NR6A1: variants seen among roughly 807,000 people sequenced by gnomAD.
The protein encoded by NR6A1 is retinoic acid receptor-related testis-associated receptor.
NR6A1 carries 7 observed loss-of-function variants against 59.1 expected under a neutral mutation model. The observed-to-expected ratio is 0.12, with a 90% CI of 0.07 to 0.22. NR6A1 has a LOEUF of 0.22. NR6A1 is among the 10% of genes least tolerant of loss of function. The pLI is 1.00. For synonymous variants in NR6A1, 243 were observed against 236.1 expected (o/e 1.03, Z -0.27); for missense variants, 468 against 611.6 (o/e 0.77, Z 2.48).
rs756369566 is a variant in NR6A1, at chr9:124,524,864, C to T, written c.1211G>A (p.Gly404Asp). 6.2e-7 allele frequency: 1 copy of T among 1,600,256 alleles called. No homozygotes were observed. Among genetic ancestry groups the T allele is most frequent in the Non-Finnish European group, 8.5e-7 (1 of 1,176,432 alleles). ...TTCCAGCTGTGAGGCACTGGTCAGACCCCTGATATCTGTGGAAAAAAAAAA... is the reference window on the plus strand; with the variant it reads ...TTCCAGCTGTGAGGCACTGGTCAGATCCCTGATATCTGTGGAAAAAAAAAA... ...AINFLNQDIR[G>D]LTSASQLEQL... The change falls in exon 9 of 10, where the codon GGT becomes GAT. Residue 404 changes from glycine (G) to aspartate (D), a missense_variant. By Grantham distance (94) the Gly-to-Asp change is moderately conservative. Transcript: ENST00000487099.
chr9:124,697,379 G>C (rs974511520), intron 2 of NR6A1, among the ~76,000 whole-genome samples: 1 of 152,110 alleles, frequency 6.6e-6, no homozygotes, highest in African/African-American at 2.4e-5. Context: ...CAAGTGTGAA[G>C]AGCTCTGCAG....
At chr9:124,649,130 T>C (rs761982661) in intron 2 of NR6A1, among the ~76,000 whole-genome samples, 2 of 144,242 alleles carry the variant, frequency 1.4e-5, no homozygotes, top group Admixed American at 7.4e-5. Flanking sequence ...AGACCCCAAA[T>C]AGCCAAAGCA....
intron 1 of NR6A1, among the ~76,000 whole-genome samples, chr9:124,752,799 C>T (rs1261939578): frequency 6.6e-6 from 1 of 151,034 alleles, no homozygotes; most frequent in Non-Finnish European, 1.5e-5. Context: ...GAAATCCTAT[C>T]TCACAGCAGT....
At chr9:124,719,184 C>T (rs553312230) in intron 2 of NR6A1, among the ~76,000 whole-genome samples, 129 of 151,796 alleles carry the variant, frequency 8.5e-4, no homozygotes, top group Middle Eastern at 3.4e-3. Flanking sequence ...ACTGTAGCCT[C>T]GACCTCCCAG....
intron 3 of NR6A1, among the ~76,000 whole-genome samples, chr9:124,553,949 C>T (rs1434191938): frequency 5.3e-5 from 8 of 152,128 alleles, no homozygotes; most frequent in African/African-American, 9.7e-5. Context: ...CTGAGTACAC[C>T]GTGGTTCTAG....
intron 1 of NR6A1, among the ~76,000 whole-genome samples, chr9:124,746,732 G>A (rs542787654): frequency 6.6e-6 from 1 of 152,228 alleles, no homozygotes; most frequent in Admixed American, 6.5e-5. Flanking sequence ...ATAGGACTAA[G>A]GGAGAAAAAA....
At chr9:124,728,131 A>G (rs1218569840) in intron 2 of NR6A1, among the ~76,000 whole-genome samples, 2 of 151,508 alleles carry the variant, frequency 1.3e-5, no homozygotes, top group East Asian at 2.0e-4. Flanking sequence ...GGTTCACACC[A>G]TTCTCCTGCC....
chr9:124,753,906 A>G (rs1157268328), intron 1 of NR6A1, among the ~76,000 whole-genome samples: 1 of 152,232 alleles, frequency 6.6e-6, no homozygotes, highest in Non-Finnish European at 1.5e-5. Flanking sequence ...CTTACAAGCA[A>G]GACTGGGAAT....
chr9:124,725,614 C>T (rs993341565), intron 2 of NR6A1, among the ~76,000 whole-genome samples: 1 of 152,070 alleles, frequency 6.6e-6, no homozygotes, highest in Admixed American at 6.5e-5. Context: ...TTTGGGCCTC[C>T]AAATTCCAAA....
rs1833872080 is a variant in NR6A1, at chr9:124,554,421, G to A, written c.292C>T (p.Arg98Cys). 1.9e-6 allele frequency: 3 copies of A among 1,613,972 alleles called. No individual in the cohort carries two copies. The highest frequency in any genetic ancestry group is 2.5e-6 in the Non-Finnish European group (3 of 1,180,036). Residue 98 changes from arginine (R) to cysteine (C), a missense_variant, in exon 3 of 10, where the codon CGT becomes TGT. Physicochemically the swap from Arg to Cys is radical, Grantham distance 180. This residue lies in a region of NR6A1 where 66 missense variants were observed against 139.2 expected (regional missense o/e 0.47). Coordinates refer to ENST00000487099, the MANE Select transcript of NR6A1 (RefSeq NM_033334.4). ...CGAGACATGACACAGTTCTTGTCAC[G>A]ACTGCATCGATATACCCGTTTGTTG... ...ICNKRVYRCS[R>C]DKNCVMSRKQ...
intron 7 of NR6A1, among the ~76,000 whole-genome samples, chr9:124,531,175 T>A (rs1833087783): frequency 6.6e-6 from 1 of 152,224 alleles, no homozygotes; most frequent in South Asian, 2.1e-4. Context: ...TTTCCAGAGA[T>A]CTAGCAGAAA....
At chr9:124,765,706 C>T (rs1010641959) in intron 1 of NR6A1, among the ~76,000 whole-genome samples, 6 of 152,052 alleles carry the variant, frequency 3.9e-5, no homozygotes, top group Admixed American at 1.3e-4. Flanking sequence ...TTAGAATTAC[C>T]GGGTTACACT....
At chr9:124,682,484 A>T (rs1462871826) in intron 2 of NR6A1, among the ~76,000 whole-genome samples, 2 of 152,224 alleles carry the variant, frequency 1.3e-5, no homozygotes, top group Non-Finnish European at 2.9e-5. Context: ...ATGAGAATTC[A>T]GCTATCCTTT....
chr9:124,677,707 C>G (rs375860571), intron 2 of NR6A1, among the ~76,000 whole-genome samples: 3 of 152,228 alleles, frequency 2.0e-5, no homozygotes, highest in East Asian at 3.9e-4. Context: ...ACAGGATTCC[C>G]TCGTGACCTT....
chr9:124,549,537 A>G (rs1381818823), intron 3 of NR6A1, among the ~76,000 whole-genome samples: 1 of 152,170 alleles, frequency 6.6e-6, no homozygotes, highest in East Asian at 1.9e-4. Flanking sequence ...GATCTTCCTC[A>G]TTGCTTTGCT....
chr9:124,606,224 G>A (rs1021974587), intron 2 of NR6A1, among the ~76,000 whole-genome samples: 3 of 152,054 alleles, frequency 2.0e-5, no homozygotes, highest in African/African-American at 7.3e-5. Context: ...TTAATGATCA[G>A]CAAATTCAGG....
intron 1 of NR6A1, among the ~76,000 whole-genome samples, chr9:124,766,786 GA>G (rs1198939556): frequency 6.6e-6 from 1 of 152,216 alleles, no homozygotes; most frequent in Non-Finnish European, 1.5e-5. Flanking sequence ...CCTAATGTGG[GA>G]GAATCTATCC....
At chr9:124,707,258 C>T (rs1469562665) in intron 2 of NR6A1, among the ~76,000 whole-genome samples, 2 of 152,126 alleles carry the variant, frequency 1.3e-5, no homozygotes, top group African/African-American at 4.8e-5. Flanking sequence ...CCAATTCTTT[C>T]ATCACCTCAA....
At chr9:124,702,423 A>C (rs1009430373) in intron 2 of NR6A1, among the ~76,000 whole-genome samples, 1 of 152,180 alleles carries the variant, frequency 6.6e-6, no homozygotes, top group Non-Finnish European at 1.5e-5. Context: ...CACATACATA[A>C]GGATTTATGA....
Sources: allele counts gnomAD v4.1 joint callset (sites outside exome capture counted in the v4.1 genomes callset), GRCh38; gene constraint gnomAD v4.1.1; regional missense constraint gnomAD v4.1.1; transcripts MANE v1.5; gene names NCBI Gene and HGNC (gene_info 2026-07-23, HGNC 2026-07-21).